CD27: variants seen among roughly 807,000 people sequenced by gnomAD.
The protein encoded by CD27 is CD27 antigen.
In CD27, 16 loss-of-function variants were observed where a neutral mutation model predicts 25.9. That is an observed-to-expected ratio of 0.62 (90% CI 0.42 to 0.94). The LOEUF (loss-of-function observed/expected upper bound fraction) is 0.94. CD27 is among the 40% of genes least tolerant of loss of function. CD27 has a pLI of 0.00. For missense variants in CD27, 300 were observed against 333.2 expected, an observed-to-expected ratio of 0.90 and a Z score of 0.78; for synonymous variants, 142 against 124.3, an observed-to-expected ratio of 1.14 and a Z score of -0.95.
At chr12:6,444,664 T>TGGGGGGGGGGGGGGGGGG (rs57782770), upstream of CD27, among the ~76,000 whole-genome samples, 1 of 71,092 alleles carries the variant, frequency 1.4e-5, no homozygotes, top group Non-Finnish European at 2.6e-5. Flanking sequence ...GGGGGGTGGG[T>TGGGGGGGGGGGGGGGGGG]GGGGGGGGGT....
At chr12:6,451,234 T>A (rs1949540034) in intron 5 of CD27, 34 bp from the exon 6 acceptor site, 1 of 1,606,882 alleles carries the variant, frequency 6.2e-7, no homozygotes, top group Non-Finnish European at 8.5e-7. Context: ...CTGCCCCCAC[T>A]GCTGGCCAAG....
chr12:6,447,233 C>CG (rs1949429533), intron 2 of CD27: 1 of 152,220 alleles, frequency 6.6e-6, no homozygotes, highest in African/African-American at 2.4e-5. Flanking sequence ...ACAGCGGCCC[C>CG]GGCAGGGTTG....
chr12:6,447,384 T>C (rs1225318705), intron 2 of CD27: 3 of 152,054 alleles, frequency 2.0e-5, no homozygotes, highest in Admixed American at 1.3e-4. Context: ...GCTCAGCCAA[T>C]AGATCCCAAA....
At position 6,451,537 on chromosome 12, in the gene CD27, T is replaced by A; in HGVS notation, c.*145T>A. On this transcript the variant is annotated 3_prime_UTR_variant, in exon 6 of 6. Coordinates refer to ENST00000266557, the MANE Select transcript of CD27 (RefSeq NM_001242.5). ...TCCTGTGTACACGTGACAGAGTGCC[T>A]TTTCGAGACTGGCAGGGACGAGGAC... The A allele has an allele frequency of 1.2e-6, 1 of 823,540 alleles. No individual in the cohort carries two copies. The highest frequency in any genetic ancestry group is 1.9e-6 in the Non-Finnish European group (1 of 538,918). The allele number at this position is 823,540 out of a possible 1,614,324, so 51.0% of individuals were successfully genotyped here.
chr12:6,451,169 G>A, intron 5 of CD27, 99 bp from the exon 6 acceptor site: 14 of 1,537,034 alleles, frequency 9.1e-6, no homozygotes, highest in Non-Finnish European at 1.2e-5. Context: ...GCGTGCTCCT[G>A]ACACCCCTCC....
Position 6,450,907 on chromosome 12 carries a change from T to G in CD27, c.551T>G (p.Leu184Arg). ...CCTCCTATTACAGCCCAAAGATCCC[T>G]GTGCAGCTCCGATTTTATTCGCATC... ...LSTHWPPQRS[L>R]CSSDFIRILV... The change falls in exon 5 of 6, where the codon CTG (leucine) becomes CGG (arginine). Residue 184 changes from leucine (L) to arginine (R), a missense_variant. Coordinates refer to ENST00000266557, the MANE Select transcript of CD27 (RefSeq NM_001242.5). This position sits in a 1 kb window ranked among gnomAD's most constrained non-coding sequence, Gnocchi z 4.1. 6.2e-7 allele frequency: 1 copy of G among 1,614,182 alleles called. No individual in the cohort carries two copies. The highest frequency in any genetic ancestry group is 8.5e-7 in the Non-Finnish European group (1 of 1,180,006).
chr12:6,444,898 G>A (rs963970298), upstream of CD27: 50 of 566,260 alleles, frequency 8.8e-5, no homozygotes, highest in Non-Finnish European at 1.3e-4. Flanking sequence ...AAGGGGAAGG[G>A]GGTGGAGGTT....
intron 2 of CD27, chr12:6,448,609 C>G (rs1364070950): frequency 6.6e-6 from 1 of 152,030 alleles, no homozygotes; most frequent in Non-Finnish European, 1.5e-5. Context: ...ACTAAAAATA[C>G]AAAAAATTAG....
rs1488932641 is a variant in CD27 at position 6,450,373 on chromosome 12, T to C, written c.448+21T>C. ...CAGTGGTAAGTTCCAGGCAACTCTC[T>C]GTGCCATCACGTGGGGTAGCGGTGA... On this transcript the variant is annotated intron_variant, in intron 3 of 5. Transcript: ENST00000266557. The surrounding 1 kb of genome is among the most constrained non-coding windows in gnomAD (Gnocchi z 4.1). 6.2e-7 allele frequency: 1 copy of C among 1,605,418 alleles called. No homozygotes were observed. Among genetic ancestry groups the C allele is most frequent in the Non-Finnish European group, 8.5e-7 (1 of 1,176,612 alleles).
intron 2 of CD27, among the ~76,000 whole-genome samples, chr12:6,446,136 C>T (rs1186905500): frequency 6.6e-6 from 1 of 152,144 alleles, no homozygotes; most frequent in African/African-American, 2.4e-5. Context: ...ATCTTCGCTA[C>T]AATTTCAGAA....
Position 6,450,604 on chromosome 12 carries a change from CCCGGACT to C in CD27, c.514_520del (p.Arg172SerfsTer21). The C allele has an allele frequency of 6.2e-7, 1 of 1,612,806 alleles. No individual in the cohort carries two copies. Among genetic ancestry groups the C allele is most frequent in the Non-Finnish European group, 8.5e-7 (1 of 1,179,982 alleles). ...CTGGCTGACTTCAGGCAGCTGCCTG[CCCGGACT>C]CTCTCTACCCACTGGCCACGTGAGT... On this transcript the variant is annotated frameshift_variant, in exon 4 of 6. Transcript: ENST00000266557. LOFTEE classifies it high-confidence loss of function. The surrounding 1 kb of genome is among the most constrained non-coding windows in gnomAD (Gnocchi z 4.1).
Position 6,445,634 on chromosome 12 carries a change from G to A in CD27, c.268+79G>A. 6.5e-7 allele frequency: 1 copy of A among 1,533,886 alleles called. No individual in the cohort carries two copies. The highest frequency in any genetic ancestry group is 8.8e-7 in the Non-Finnish European group (1 of 1,139,576). ...CAAGGCTGGTGACGGGTTTGGGGGT[G>A]CAAGGAGGATGACGGGGCCAAAGCT... On this transcript the variant is annotated intron_variant, in intron 2 of 5. Transcript: ENST00000266557. The surrounding 1 kb of genome is among the most constrained non-coding windows in gnomAD (Gnocchi z 4.5).
At position 6,450,035 on chromosome 12, in the gene CD27, T is replaced by C; in HGVS notation, c.269-138T>C. On this transcript the variant is annotated intron_variant, in intron 2 of 5. Coordinates refer to ENST00000266557, the MANE Select transcript of CD27 (RefSeq NM_001242.5). This position sits in a 1 kb window ranked among gnomAD's most constrained non-coding sequence, Gnocchi z 4.1. ...GGGGACCGTGAGCAAAGGGCAGGCC[T>C]TTGCAGGGGTGGGAATGGAAAGGGA... 1 of 676,278 alleles carries C rather than the reference T, an allele frequency of 1.5e-6. No individual in the cohort carries two copies. Among genetic ancestry groups the C allele is most frequent in the Non-Finnish European group, 2.5e-6 (1 of 402,666 alleles). The allele number at this position is 676,278 out of a possible 1,614,324, so 41.9% of individuals were successfully genotyped here.
intron 2 of CD27, among the ~76,000 whole-genome samples, chr12:6,446,061 G>T (rs60329534): frequency 0.022 from 3,380 of 152,024 alleles, 115 homozygotes; most frequent in African/African-American, 0.075. Flanking sequence ...AAAAAAAAAG[G>T]TTTTTTTTAA....
In CD27 at chr12:6,450,356, A is replaced by C; in HGVS notation, c.448+4A>C. The stretch of plus-strand genomic sequence containing the variant: ...ACCCACTTACCTTATGTCAGTGGTA[A>C]GTTCCAGGCAACTCTCTGTGCCATC... On this transcript the variant is annotated splice_donor_region_variant and intron_variant, in intron 3 of 5. Transcript: ENST00000266557. The surrounding 1 kb of genome is among the most constrained non-coding windows in gnomAD (Gnocchi z 4.1). 1 of 1,609,450 alleles carries C rather than the reference A, an allele frequency of 6.2e-7. No individual in the cohort carries two copies. The highest frequency in any genetic ancestry group is 8.5e-7 in the Non-Finnish European group (1 of 1,178,736).
At position 6,451,471 on chromosome 12, in the gene CD27, GGCAGCCACAACT is replaced by G; in HGVS notation, c.*84_*95del. 1 of 1,476,320 alleles carries G rather than the reference GGCAGCCACAACT, an allele frequency of 6.8e-7. No individual in the cohort carries two copies. Among genetic ancestry groups the G allele is most frequent in the Non-Finnish European group, 9.2e-7 (1 of 1,087,560 alleles). 91.5% of individuals were successfully genotyped at this position (1,476,320 alleles called of 1,614,324 possible). A position where few individuals can be genotyped will look rare whatever the true frequency, so the allele number is the denominator to read the frequency against. On this transcript the variant is annotated 3_prime_UTR_variant, in exon 6 of 6. Transcript: ENST00000266557. ...GACCATCCAAGGGAGAGTGAGACCT[GGCAGCCACAACT>G]GCAGTCCCATCCTCTTGTCAGGGCC... is the stretch of plus-strand genomic sequence containing the variant.
chr12:6,448,094 A>G (rs1037854716), intron 2 of CD27: 1 of 152,330 alleles, frequency 6.6e-6, no homozygotes, highest in Non-Finnish European at 1.5e-5. Flanking sequence ...GTCAGCATTC[A>G]TTAGCAGGTC....
chr12:6,450,007 T>C lies in CD27; in HGVS notation c.269-166T>C, dbSNP rs185625865. 1.8e-4 allele frequency among the ~76,000 whole-genome samples: 28 copies of C among 152,166 alleles called. No individual in the cohort carries two copies. The highest frequency in any genetic ancestry group is 6.3e-4 in the African/African-American group (26 of 41,516). On this transcript the variant is annotated intron_variant, in intron 2 of 5. Transcript: ENST00000266557. The surrounding 1 kb of genome is among the most constrained non-coding windows in gnomAD (Gnocchi z 4.1). ...AATAACAATAATAATGGCAAAGGCA[T>C]TGGGGGACCGTGAGCAAAGGGCAGG...
rs547361999 is a variant in CD27 at position 6,451,457 on chromosome 12, G to A, written c.*65G>A. On this transcript the variant is annotated 3_prime_UTR_variant, in exon 6 of 6. Coordinates refer to ENST00000266557, the MANE Select transcript of CD27 (RefSeq NM_001242.5). ...ACCCCCACCCCGCCGACCATCCAAG[G>A]GAGAGTGAGACCTGGCAGCCACAAC... The A allele has an allele frequency of 1.6e-4, 244 of 1,543,846 alleles. 1 individual carries two copies. In the Middle Eastern group the frequency reaches 1.6e-3, roughly 10 times the overall value.
Sources: gnomAD v4.1 joint callset for allele counts (sites outside exome capture counted in the v4.1 genomes callset) on GRCh38, gnomAD v4.1.1 for gene constraint, Gnocchi (gnomAD v3.1) non-coding constraint, MANE v1.5 for transcripts, NCBI Gene and HGNC (gene_info 2026-07-23, HGNC 2026-07-21) for gene names.